Variants in COP1 observed in about 807,000 individuals in gnomAD.
COP1 encodes E3 ubiquitin-protein ligase COP1.
A neutral mutation model predicts 101.3 loss-of-function variants in COP1; 24 were observed. The ratio of observed to expected loss-of-function variants is 0.24; its 90% confidence interval spans 0.17 to 0.33. COP1 has a LOEUF of 0.33. Ranked by LOEUF, COP1 falls within the 10% of genes least tolerant of loss-of-function variation. The probability of loss-of-function intolerance (pLI) is 1.00; values close to 1 mark genes in which losing one functional copy is unlikely to be tolerated. For synonymous variants in COP1, 347 were observed against 341.9 expected, an observed-to-expected ratio of 1.01 and a Z score of -0.17; for missense variants, 663 against 906.2, an observed-to-expected ratio of 0.73 and a Z score of 3.45.
Position 176,206,557 on chromosome 1 carries a change from G to C in COP1, c.407+15C>G. The C allele has an allele frequency of 6.2e-7, 1 of 1,601,948 alleles. No individual in the cohort carries two copies. Among genetic ancestry groups the C allele is most frequent in the Non-Finnish European group, 8.5e-7 (1 of 1,177,542 alleles). ...CATAATTTAGGGACAAGGAGGGAGT[G>C]CTCTTCAAACCCACCATACGAAGTC... On this transcript the variant is annotated intron_variant, in intron 1 of 19. Transcript: ENST00000367669.
At chr1:176,170,470 C>T (rs1383416906) in intron 3 of COP1, among the ~76,000 whole-genome samples, 1 of 152,186 alleles carries the variant, frequency 6.6e-6, no homozygotes, top group East Asian at 1.9e-4. Flanking sequence ...CTCCTTTGTA[C>T]ATCTGTATCA....
At chr1:176,054,712 T>A (rs1673151488) in intron 11 of COP1, among the ~76,000 whole-genome samples, 1 of 152,178 alleles carries the variant, frequency 6.6e-6, no homozygotes, top group Non-Finnish European at 1.5e-5. Context: ...CTCTCTCCTG[T>A]ATCAATCAAT....
chr1:176,064,148 T>C (rs892863044), intron 11 of COP1, among the ~76,000 whole-genome samples: 1 of 152,292 alleles, frequency 6.6e-6, no homozygotes. Flanking sequence ...GTCCATAGTT[T>C]GCTGATTTTA....
At chr1:176,095,111 A>C (rs1682089660) in intron 9 of COP1, among the ~76,000 whole-genome samples, 1 of 152,220 alleles carries the variant, frequency 6.6e-6, no homozygotes, top group African/African-American at 2.4e-5. Flanking sequence ...TAATTTCATA[A>C]ATTAACACTG....
At chr1:176,198,193 T>G (rs774118399) in intron 1 of COP1, among the ~76,000 whole-genome samples, 1 of 152,142 alleles carries the variant, frequency 6.6e-6, no homozygotes. Flanking sequence ...TCAAAACAAC[T>G]TTGAAATAAA....
chr1:176,029,179 A>C (rs6425373), intron 14 of COP1, among the ~76,000 whole-genome samples: 11 of 152,122 alleles, frequency 7.2e-5, no homozygotes, highest in African/African-American at 1.2e-4. Flanking sequence ...TAAGAATTTC[A>C]TGATTTTAAA....
intron 7 of COP1, among the ~76,000 whole-genome samples, chr1:176,136,160 GT>G (rs1322524892): frequency 1.3e-5 from 2 of 151,828 alleles, no homozygotes; most frequent in Non-Finnish European, 2.9e-5. Flanking sequence ...GTATGTAAAA[GT>G]TATTAATAAA....
chr1:176,056,406 GTTTAT>G (rs1486526249), intron 11 of COP1, among the ~76,000 whole-genome samples: 5 of 150,336 alleles, frequency 3.3e-5, no homozygotes, highest in Non-Finnish European at 1.5e-5. Context: ...CACTAAATGT[GTTTAT>G]TTTGTCTTAC....
chr1:176,004,145 C>G (rs1362666014), intron 15 of COP1, among the ~76,000 whole-genome samples: 1 of 151,270 alleles, frequency 6.6e-6, no homozygotes, highest in Non-Finnish European at 1.5e-5. Flanking sequence ...TGATTCGGCT[C>G]TCTGTTTGTC....
chr1:176,108,494 A>ATATACTGC (rs1684724459), intron 9 of COP1, among the ~76,000 whole-genome samples: 1 of 152,172 alleles, frequency 6.6e-6, no homozygotes, highest in Non-Finnish European at 1.5e-5. Context: ...AGCATTGATC[A>ATATACTGC]CATGTATATA....
At position 176,037,563 on chromosome 1, in the gene COP1, C is replaced by CA. The variant is rs907485341; in HGVS notation, c.1612+5622dup. Reference sequence around the variant, plus strand: ...TCACCCTCTGAAAAAAACAAACAAACAAAAAAACCTCAAGTCAAATCTAGA... The same window carrying CA: ...TCACCCTCTGAAAAAAACAAACAAACAAAAAAAACCTCAAGTCAAATCTAGA... On this transcript the variant is annotated intron_variant, in intron 14 of 19. Coordinates refer to ENST00000367669, the MANE Select transcript of COP1 (RefSeq NM_022457.7). 2.6e-3 allele frequency among the ~76,000 whole-genome samples: 394 copies of CA among 148,748 alleles called. 3 individuals are homozygous for CA. The highest frequency in any genetic ancestry group is 9.3e-3 in the African/African-American group (376 of 40,430).
intron 6 of COP1, among the ~76,000 whole-genome samples, chr1:176,140,327 T>C (rs959720803): frequency 1.3e-5 from 2 of 152,186 alleles, no homozygotes; most frequent in African/African-American, 4.8e-5. Context: ...GGTGTTGTCC[T>C]GACAGATATA....
intron 1 of COP1, among the ~76,000 whole-genome samples, chr1:176,198,317 T>C (rs1699915929): frequency 6.6e-6 from 1 of 152,096 alleles, no homozygotes; most frequent in South Asian, 2.1e-4. Context: ...AGAATAAAAA[T>C]TGCAGAAATA....
intron 11 of COP1, among the ~76,000 whole-genome samples, chr1:176,079,937 T>A (rs1013410566): frequency 1.3e-5 from 2 of 151,924 alleles, no homozygotes; most frequent in African/African-American, 4.8e-5. Flanking sequence ...GCATGAGGAC[T>A]GCATGAGCCT....
intron 11 of COP1, among the ~76,000 whole-genome samples, chr1:176,050,532 C>A (rs2149232288): frequency 6.6e-6 from 1 of 152,148 alleles, no homozygotes; most frequent in East Asian, 1.9e-4. Flanking sequence ...TCATTCATTA[C>A]CATGATAGTG....
intron 9 of COP1, among the ~76,000 whole-genome samples, chr1:176,116,309 AG>A (rs1207685498): frequency 6.6e-6 from 1 of 152,166 alleles, no homozygotes; most frequent in Non-Finnish European, 1.5e-5. Flanking sequence ...TGAGCCTAGG[AG>A]GTCAAGGCTA....
At chr1:175,994,918 C>A (rs1659718871) in intron 15 of COP1, among the ~76,000 whole-genome samples, 1 of 152,192 alleles carries the variant, frequency 6.6e-6, no homozygotes, top group Non-Finnish European at 1.5e-5. Flanking sequence ...ACAGAACTCT[C>A]CACCCCAAAT....
intron 14 of COP1, among the ~76,000 whole-genome samples, chr1:176,042,721 ACT>A (rs1670836005): frequency 1.6e-5 from 2 of 126,384 alleles, no homozygotes; most frequent in Non-Finnish European, 3.3e-5. Context: ...ACACAGTGAA[ACT>A]CTATCTCAAA....
At chr1:176,184,122 T>A (rs1403403925) in intron 2 of COP1, among the ~76,000 whole-genome samples, 2 of 152,060 alleles carry the variant, frequency 1.3e-5, no homozygotes, top group African/African-American at 2.4e-5. Flanking sequence ...ATATATAAAT[T>A]CGGTATTATG....
Sources: gnomAD v4.1 joint callset for allele counts (sites outside exome capture counted in the v4.1 genomes callset) on GRCh38, gnomAD v4.1.1 for gene constraint, MANE v1.5 for transcripts, NCBI Gene and HGNC (gene_info 2026-07-23, HGNC 2026-07-21) for gene names.